Variants in ZNF609 observed in about 807,000 individuals in gnomAD.
ZNF609 encodes zinc finger protein 609.
Under a neutral mutation model 109.5 loss-of-function variants are expected in ZNF609, and 11 were observed. The ratio of observed to expected loss-of-function variants is 0.10; its 90% confidence interval spans 0.06 to 0.17. ZNF609 has a LOEUF of 0.17. ZNF609 is among the 10% of genes least tolerant of loss of function. The pLI, the probability that ZNF609 is intolerant of heterozygous loss-of-function variation, is 1.00. For synonymous variants in ZNF609, 646 were observed against 662.0 expected (o/e 0.98, Z 0.37); for missense variants, 1,559 against 1,772.4 (o/e 0.88, Z 2.16).
chr15:64,674,855 A>G lies in ZNF609; in HGVS notation c.2001A>G (p.Gln667=). Residue 667 remains glutamine, a synonymous_variant, in exon 5 of 10, where the codon CAA becomes CAG. Coordinates refer to ENST00000326648, the MANE Select transcript of ZNF609 (RefSeq NM_015042.2). ...TTGCCCCTGCCATCCCCCCACAGCA[A>G]ATCTACACCTTCCAGACAGCCACCT... ...RPIAPAIPPQ[Q]IYTFQTATFT... is the part of the protein sequence containing the mutation. 1 of 1,612,040 alleles carries G rather than the reference A, an allele frequency of 6.2e-7. No individual in the cohort carries two copies. Among genetic ancestry groups the G allele is most frequent in the East Asian group, 2.2e-5 (1 of 44,730 alleles).
intron 2 of ZNF609, among the ~76,000 whole-genome samples, chr15:64,521,959 A>G (rs145407650): frequency 2.0e-5 from 3 of 152,340 alleles, no homozygotes; most frequent in Non-Finnish European, 4.4e-5. Flanking sequence ...ACCAAGCTCC[A>G]GCTGTGTTAT....
intron 2 of ZNF609, among the ~76,000 whole-genome samples, chr15:64,520,259 A>C (rs1417724145): frequency 6.6e-6 from 1 of 152,100 alleles, no homozygotes; most frequent in East Asian, 1.9e-4. Flanking sequence ...GGGGTGGTCC[A>C]GTTTATTGTA....
rs1896783677 is a variant in ZNF609, at chr15:64,674,741, G to A, written c.1887G>A (p.Arg629=). 6.2e-7 allele frequency: 1 copy of A among 1,613,956 alleles called. No homozygotes were observed. The highest frequency in any genetic ancestry group is 1.3e-5 in the African/African-American group (1 of 74,910). ...TSNDAFDSLE[R]KCMEKEKCKK... ...ATGATGCCTTTGATTCTTTAGAAAG[G>A]AAGTGTATGGAAAAAGAAAAATGTA... is the stretch of plus-strand genomic sequence containing the variant. The change falls in exon 5 of 10, where the codon AGG becomes AGA. Residue 629 remains arginine, a synonymous_variant. Transcript: ENST00000326648.
chr15:64,595,959 T>C (rs1337091838), intron 2 of ZNF609, among the ~76,000 whole-genome samples: 2 of 152,168 alleles, frequency 1.3e-5, no homozygotes, highest in Admixed American at 6.6e-5. Context: ...GGGCTGTCCA[T>C]AGTATCTTCA....
At chr15:64,486,227 A>G (rs1452037534) in intron 1 of ZNF609, among the ~76,000 whole-genome samples, 1 of 152,202 alleles carries the variant, frequency 6.6e-6, no homozygotes, top group East Asian at 1.9e-4. Context: ...AAAATTATTT[A>G]AAGTTTATTT....
chr15:64,673,597 C>T (rs1896765631), intron 4 of ZNF609, among the ~76,000 whole-genome samples: 1 of 152,202 alleles, frequency 6.6e-6, no homozygotes, highest in South Asian at 2.1e-4. Context: ...TTTAGCATGC[C>T]TGGCCTCAAT....
chr15:64,659,282 G>C (rs1039674275), intron 3 of ZNF609, among the ~76,000 whole-genome samples: 1 of 152,194 alleles, frequency 6.6e-6, no homozygotes, highest in African/African-American at 2.4e-5. Flanking sequence ...CTGGCAAACT[G>C]TGGTCGTAGG....
At chr15:64,611,832 C>G (rs1169729365) in intron 2 of ZNF609, among the ~76,000 whole-genome samples, 2 of 151,276 alleles carry the variant, frequency 1.3e-5, no homozygotes, top group African/African-American at 2.4e-5. Context: ...CTCCCGGGTT[C>G]AAGCAATTCT....
chr15:64,469,597 G>T (rs1334501960), intron 1 of ZNF609, among the ~76,000 whole-genome samples: 2 of 151,740 alleles, frequency 1.3e-5, no homozygotes, highest in Non-Finnish European at 2.9e-5. Flanking sequence ...CATACTCTTT[G>T]ATTTGTTTGG....
chr15:64,638,932 A>G (rs553522004), intron 3 of ZNF609, among the ~76,000 whole-genome samples: 1 of 152,024 alleles, frequency 6.6e-6, no homozygotes, highest in East Asian at 1.9e-4. Flanking sequence ...AAAGTTAGCT[A>G]TCTCCTGCTC....
chr15:64,588,305 T>C (rs1895232381), intron 2 of ZNF609, among the ~76,000 whole-genome samples: 1 of 148,896 alleles, frequency 6.7e-6, no homozygotes, highest in Non-Finnish European at 1.5e-5. Context: ...GGCGGGCACC[T>C]GTAGTCCCAG....
At chr15:64,505,295 G>A (rs538031927) in intron 2 of ZNF609, among the ~76,000 whole-genome samples, 1 of 149,788 alleles carries the variant, frequency 6.7e-6, no homozygotes, top group East Asian at 2.0e-4. Context: ...AATAATTGAG[G>A]AATAGTTCTT....
chr15:64,492,679 G>A (rs574086529), intron 1 of ZNF609, among the ~76,000 whole-genome samples: 1 of 152,120 alleles, frequency 6.6e-6, no homozygotes, highest in African/African-American at 2.4e-5. Flanking sequence ...GCTGTACCCA[G>A]CTTTGACTTG....
chr15:64,529,206 T>C (rs751224641), intron 2 of ZNF609: 34 of 729,814 alleles, frequency 4.7e-5, no homozygotes, highest in East Asian at 4.1e-4. Context: ...CGCTAAGCAG[T>C]TGGTGATGCA....
intron 2 of ZNF609, among the ~76,000 whole-genome samples, chr15:64,616,893 C>A (rs1268694913): frequency 7.0e-6 from 1 of 143,390 alleles, no homozygotes; most frequent in Non-Finnish European, 1.5e-5. Context: ...ACTGCAACCT[C>A]CACCTCCCGG....
intron 8 of ZNF609, 76 bp from the exon 9 acceptor site, chr15:64,681,233 A>AC: frequency 7.3e-7 from 1 of 1,370,100 alleles, no homozygotes; most frequent in South Asian, 1.2e-5. Flanking sequence ...TTCTGTCAGC[A>AC]CCCCAAAACT....
chr15:64,623,499 C>G (rs144263195), intron 3 of ZNF609, among the ~76,000 whole-genome samples: 43 of 152,286 alleles, frequency 2.8e-4, no homozygotes, highest in African/African-American at 9.9e-4. Flanking sequence ...TTTTTTAACA[C>G]CTATAGGTAC....
intron 2 of ZNF609, among the ~76,000 whole-genome samples, chr15:64,575,378 C>A (rs1029947608): frequency 4.0e-5 from 6 of 151,018 alleles, no homozygotes; most frequent in Admixed American, 4.0e-4. Flanking sequence ...GAGCCTAGAT[C>A]GCACCATTGC....
intron 2 of ZNF609, among the ~76,000 whole-genome samples, chr15:64,539,802 AATTTTTGTATTTTTAGTAGTG>A (rs535025831): frequency 0.024 from 3,514 of 147,934 alleles, 60 homozygotes; most frequent in Middle Eastern, 0.054. Flanking sequence ...CTACCTGCCT[AATTTTTGTATTTTTAGTAGTG>A]ACAGGGTTTC....
Sources: allele counts gnomAD v4.1 joint callset (sites outside exome capture counted in the v4.1 genomes callset), GRCh38; gene constraint gnomAD v4.1.1; transcripts MANE v1.5; gene names NCBI Gene and HGNC (gene_info 2026-07-23, HGNC 2026-07-21).